MED13L: variants seen among roughly 807,000 people sequenced by gnomAD.
MED13L encodes the protein mediator of RNA polymerase II transcription subunit 13-like.
In MED13L, 7 loss-of-function variants were observed where a neutral mutation model predicts 220.9. The observed-to-expected ratio is 0.03, with a 90% CI of 0.02 to 0.06. The LOEUF is 0.06. MED13L is among the 10% of genes least tolerant of loss of function. The pLI is 1.00. For missense variants in MED13L, 1,965 were observed against 2,760.5 expected (o/e 0.71, Z 6.46); for synonymous variants, 1,011 against 1,015.2 (o/e 1.00, Z 0.08).
At chr12:115,990,574 A>C (rs1004558037) in intron 17 of MED13L, among the ~76,000 whole-genome samples, 1 of 152,220 alleles carries the variant, frequency 6.6e-6, no homozygotes, top group Non-Finnish European at 1.5e-5. Flanking sequence ...TGATTTTGTT[A>C]TAAGTGATAC....
intron 4 of MED13L, among the ~76,000 whole-genome samples, chr12:116,057,033 A>G (rs935689177): frequency 1.3e-5 from 2 of 152,196 alleles, no homozygotes; most frequent in African/African-American, 2.4e-5. Context: ...TGGTAAAAGA[A>G]TAAAAATGGT....
intron 18 of MED13L, 71 bp downstream of exon 18, chr12:115,987,038 A>G: frequency 6.8e-7 from 1 of 1,478,864 alleles, no homozygotes; most frequent in Non-Finnish European, 9.4e-7. Flanking sequence ...AGGACTTGAC[A>G]GTAACTAACG....
At chr12:116,254,720 G>A (rs1014335261) in intron 1 of MED13L, among the ~76,000 whole-genome samples, 1 of 151,386 alleles carries the variant, frequency 6.6e-6, no homozygotes, top group African/African-American at 2.5e-5. Context: ...TCGCACCATT[G>A]CACCCAGCCT....
At chr12:116,010,935 G>T (rs1331462292) in intron 9 of MED13L, among the ~76,000 whole-genome samples, 2 of 150,722 alleles carry the variant, frequency 1.3e-5, no homozygotes, top group African/African-American at 4.9e-5. Context: ...GGAGTACAGT[G>T]GTGCGATCTC....
intron 2 of MED13L, chr12:116,230,530 T>C (rs1869453586): frequency 2.1e-6 from 2 of 968,408 alleles, no homozygotes; most frequent in African/African-American, 1.8e-5. Flanking sequence ...CAGAATTCCA[T>C]ACCTGAAAAA....
intron 4 of MED13L, among the ~76,000 whole-genome samples, chr12:116,083,396 T>A (rs1168298936): frequency 2.6e-5 from 3 of 116,320 alleles, no homozygotes; most frequent in Admixed American, 1.1e-4. Flanking sequence ...AGCGAGACTG[T>A]CTCGAGGGAA....
chr12:116,111,718 G>A (rs1874108675), intron 2 of MED13L, among the ~76,000 whole-genome samples: 1 of 152,096 alleles, frequency 6.6e-6, no homozygotes, highest in Non-Finnish European at 1.5e-5. Context: ...ATGTGTCTTG[G>A]TTTTAAAGTC....
intron 4 of MED13L, among the ~76,000 whole-genome samples, chr12:116,084,063 G>A (rs749533601): frequency 3.3e-5 from 5 of 152,200 alleles, no homozygotes; most frequent in Admixed American, 6.5e-5. Context: ...AGCATACCTT[G>A]TATTGTACTT....
intron 1 of MED13L, among the ~76,000 whole-genome samples, chr12:116,273,032 T>C (rs1005984647): frequency 6.6e-6 from 1 of 152,086 alleles, no homozygotes; most frequent in Admixed American, 6.6e-5. Flanking sequence ...TAGCCAGGCG[T>C]AGTGGCTCAT....
At position 116,068,700 on chromosome 12, in the gene MED13L, T is replaced by C. The variant is rs533091279; in HGVS notation, c.479+27969A>G. ...CTTTCTACATGTGCTTTTCAGAATG[T>C]CAGTGTTTTAAATTTGAACTTTTAA... On this transcript the variant is annotated intron_variant, in intron 4 of 30. Coordinates refer to ENST00000281928, the MANE Select transcript of MED13L (RefSeq NM_015335.5). Among the ~76,000 whole-genome samples, 8 of 152,310 alleles carry C rather than the reference T, an allele frequency of 5.3e-5. No individual in the cohort carries two copies. In the East Asian group the frequency reaches 1.5e-3, roughly 29 times the overall value.
intron 2 of MED13L, among the ~76,000 whole-genome samples, chr12:116,158,915 A>G (rs920055259): frequency 3.3e-5 from 5 of 152,182 alleles, no homozygotes; most frequent in African/African-American, 1.2e-4. Flanking sequence ...CTGTATTTAG[A>G]TATTTTTCTA....
chr12:116,074,442 C>T (rs992968502), intron 4 of MED13L, among the ~76,000 whole-genome samples: 2 of 152,084 alleles, frequency 1.3e-5, no homozygotes, highest in African/African-American at 4.8e-5. Flanking sequence ...TTAAAATACG[C>T]CCAATTTTTA....
chr12:116,101,579 G>C (rs17580303), intron 3 of MED13L, among the ~76,000 whole-genome samples: 14,024 of 152,134 alleles, frequency 0.092, 738 homozygotes, highest in East Asian at 0.22. Flanking sequence ...ATAGCCCATC[G>C]TATCCCACTG....
intron 4 of MED13L, among the ~76,000 whole-genome samples, chr12:116,080,005 T>C (rs898320757): frequency 6.6e-6 from 1 of 152,140 alleles, no homozygotes; most frequent in Non-Finnish European, 1.5e-5. Context: ...TCATAAACTT[T>C]CTTAAAACAT....
At chr12:116,226,923 GA>G (rs528205326) in intron 2 of MED13L, among the ~76,000 whole-genome samples, 172 of 147,816 alleles carry the variant, frequency 1.2e-3, no homozygotes, top group Admixed American at 3.6e-3. Context: ...TTTTTAAGAG[GA>G]AAAAAATATT....
At chr12:116,195,256 G>A (rs1292663223) in intron 2 of MED13L, among the ~76,000 whole-genome samples, 1 of 151,760 alleles carries the variant, frequency 6.6e-6, no homozygotes. Context: ...GCCAATCTAA[G>A]ACCTTGGTGG....
intron 3 of MED13L, chr12:116,110,104 T>C (rs559347062): frequency 1.3e-5 from 2 of 152,186 alleles, no homozygotes; most frequent in South Asian, 2.1e-4. Flanking sequence ...AAGCTCTTAA[T>C]GAACCCATTC....
At chr12:116,050,681 A>C (rs1360688250) in intron 4 of MED13L, among the ~76,000 whole-genome samples, 1 of 152,216 alleles carries the variant, frequency 6.6e-6, no homozygotes, top group Non-Finnish European at 1.5e-5. Flanking sequence ...TCATGCTTGT[A>C]ATCCCAGCAC....
chr12:116,123,522 T>G (rs1158590745), intron 2 of MED13L, among the ~76,000 whole-genome samples: 1 of 152,104 alleles, frequency 6.6e-6, no homozygotes, highest in Non-Finnish European at 1.5e-5. Context: ...TTTAAAATAT[T>G]TCCTTCCACT....
Sources: gnomAD v4.1 joint callset for allele counts (sites outside exome capture counted in the v4.1 genomes callset) on GRCh38, gnomAD v4.1.1 for gene constraint, MANE v1.5 for transcripts, NCBI Gene and HGNC (gene_info 2026-07-23, HGNC 2026-07-21) for gene names.